PLIN2: variants seen among roughly 807,000 people sequenced by gnomAD.
PLIN2 encodes perilipin-2.
PLIN2 carries 33 observed loss-of-function variants against 30.6 expected under a neutral mutation model. That is an observed-to-expected ratio of 1.08 (90% CI 0.82 to 1.44). The LOEUF is 1.44. PLIN2 is among the 40% of genes most tolerant of loss of function. The pLI is 0.00. For synonymous variants in PLIN2, 205 were observed against 201.1 expected, an observed-to-expected ratio of 1.02 and a Z score of -0.16; for missense variants, 610 against 531.8, an observed-to-expected ratio of 1.15 and a Z score of -1.45.
At chr9:19,113,773 G>GTTTT (rs753031655), downstream of PLIN2, among the ~76,000 whole-genome samples, 14 of 143,692 alleles carry the variant, frequency 9.7e-5, no homozygotes, top group Non-Finnish European at 1.5e-4. Flanking sequence ...TGTTATTTTT[G>GTTTT]GTTTTTTTTT....
At chr9:19,121,716 G>C (rs1249276839) in intron 4 of PLIN2, among the ~76,000 whole-genome samples, 5 of 152,140 alleles carry the variant, frequency 3.3e-5, no homozygotes, top group African/African-American at 7.2e-5. Context: ...TGGATCACCT[G>C]AGGTTAGGAG....
downstream of PLIN2, among the ~76,000 whole-genome samples, chr9:19,113,434 C>G (rs1394545053): frequency 6.6e-6 from 1 of 152,068 alleles, no homozygotes; most frequent in Non-Finnish European, 1.5e-5. Context: ...CCATAAATCA[C>G]AAAAGTCCAT....
chr9:19,108,624 C>G (rs1033402618), exon 3 of PLIN2: 1 of 152,658 alleles, frequency 6.6e-6, no homozygotes, highest in African/African-American at 2.4e-5. Flanking sequence ...TATTCAACAT[C>G]TTGCCCTGAG....
In PLIN2 at chr9:19,126,448, T is replaced by C; in HGVS notation, c.-22A>G. On this transcript the variant is annotated splice_region_variant and 5_prime_UTR_variant, in exon 2 of 8. Transcript: ENST00000276914. ...CCATTTTTCTTCCTGGAGAAAGAAATCTGCAGAAAAGAGACTTATTTCAGA... is the reference window on the plus strand; with the variant it reads ...CCATTTTTCTTCCTGGAGAAAGAAACCTGCAGAAAAGAGACTTATTTCAGA... 2 of 1,596,600 alleles carry C rather than the reference T, an allele frequency of 1.3e-6. No homozygotes were observed. Among genetic ancestry groups the C allele is most frequent in the African/African-American group, 1.3e-5 (1 of 74,642 alleles).
rs1043668296 is a variant in PLIN2, at chr9:19,126,189, C to T, written c.151G>A (p.Glu51Lys). The stretch of plus-strand genomic sequence containing the variant: ...GAGGTGATGGTCTTCACACCGTTCT[C>T]TGCCATCTCACACACAGACTTCAGG... ...PYLKSVCEMA[E>K]NGVKTITSVA... Residue 51 changes from glutamate (E) to lysine (K), a missense_variant, in exon 3 of 8, where the codon GAG (glutamate) becomes AAG (lysine). Physicochemically the swap from Glu to Lys is moderately conservative, Grantham distance 56 (BLOSUM62 1). Transcript: ENST00000276914. 30 of 1,614,086 alleles carry T rather than the reference C, an allele frequency of 1.9e-5. No individual in the cohort carries two copies. The African/African-American group carries it at 3.3e-4, about 18-fold the overall frequency.
chr9:19,117,694 G>A (rs554901445), intron 7 of PLIN2, among the ~76,000 whole-genome samples: 1 of 151,120 alleles, frequency 6.6e-6, no homozygotes, highest in East Asian at 1.9e-4. Flanking sequence ...CTCGGCTCAT[G>A]GCAACCTCTG....
At chr9:19,126,875 CT>C (rs1818409665) in intron 1 of PLIN2, among the ~76,000 whole-genome samples, 1 of 152,084 alleles carries the variant, frequency 6.6e-6, no homozygotes, top group Non-Finnish European at 1.5e-5. Flanking sequence ...AACCCCGTCT[CT>C]TCTAAAAATA....
chr9:19,118,551 T>TCC, intron 6 of PLIN2, 96 bp from the exon 7 acceptor site: 1 of 1,128,028 alleles, frequency 8.9e-7, no homozygotes, highest in Non-Finnish European at 1.3e-6. Flanking sequence ...ACATAAAAAC[T>TCC]AAGAATTTCC....
chr9:19,126,092 A>T, intron 3 of PLIN2, 22 bp downstream of exon 3: 2 of 1,608,022 alleles, frequency 1.2e-6, no homozygotes, highest in South Asian at 1.1e-5. Flanking sequence ...CTTGACTTGC[A>T]TCTTGAAAAA....
In PLIN2 at chr9:19,115,926, C is replaced by T. The variant is rs1176069377; in HGVS notation, c.*322G>A. On this transcript the variant is annotated 3_prime_UTR_variant, in exon 8 of 8. Coordinates refer to ENST00000276914, the MANE Select transcript of PLIN2 (RefSeq NM_001122.4). ...AGACACCAGTTTCTACCCCAGCCCA[C>T]ATGAAGATGTTTTTATTCAATACAA... is the stretch of plus-strand genomic sequence containing the variant. 1.0e-5 allele frequency: 2 copies of T among 198,218 alleles called. No homozygotes were observed. The highest frequency in any genetic ancestry group is 4.7e-5 in the African/African-American group (2 of 42,906). The allele number at this position is 198,218 out of a possible 1,614,324, so 12.3% of individuals were successfully genotyped here.
rs1442511626 is a variant in PLIN2, at chr9:19,116,241, G to A, written c.*7C>T. 2 of 1,566,880 alleles carry A rather than the reference G, an allele frequency of 1.3e-6. No homozygotes were observed. The highest frequency in any genetic ancestry group is 1.8e-5 in the Admixed American group (1 of 54,970). On this transcript the variant is annotated 3_prime_UTR_variant, in exon 8 of 8. Transcript: ENST00000276914. ...GGCCACAGCATGCACTAGTGATAGG[G>A]GCAGGTTTAATGAGTTTTATGCTCA...
At chr9:19,112,705 C>CAAAAA (rs34857189), downstream of PLIN2, among the ~76,000 whole-genome samples, 3 of 68,594 alleles carry the variant, frequency 4.4e-5, 1 homozygote, top group Non-Finnish European at 5.9e-5. Context: ...GAGCCCATCT[C>CAAAAA]AAAAAAAAAA....
At chr9:19,123,452 C>G in intron 4 of PLIN2, 113 bp downstream of exon 4, 1 of 1,569,686 alleles carries the variant, frequency 6.4e-7, no homozygotes, top group Middle Eastern at 1.7e-4. Flanking sequence ...ACATCCAGAT[C>G]CAGGTTGGGA....
chr9:19,110,202 T>A (rs1184414042), intron 2 of PLIN2, among the ~76,000 whole-genome samples: 2 of 151,694 alleles, frequency 1.3e-5, no homozygotes, highest in Admixed American at 1.3e-4. Flanking sequence ...AATTTTTGTA[T>A]TTTTTAGTAG....
At chr9:19,110,148 C>T (rs1223480551) in intron 2 of PLIN2, among the ~76,000 whole-genome samples, 2 of 151,872 alleles carry the variant, frequency 1.3e-5, no homozygotes, top group African/African-American at 2.4e-5. Context: ...CTCAGTTTCC[C>T]GAGTAACTGG....
chr9:19,117,784 AT>A (rs1302153963), intron 7 of PLIN2, among the ~76,000 whole-genome samples: 3 of 151,798 alleles, frequency 2.0e-5, no homozygotes, highest in African/African-American at 7.2e-5. Flanking sequence ...TGCCTGGCTC[AT>A]TTTTTGTATT....
At chr9:19,114,632 G>A (rs1818196848), downstream of PLIN2, among the ~76,000 whole-genome samples, 1 of 152,016 alleles carries the variant, frequency 6.6e-6, no homozygotes, top group Non-Finnish European at 1.5e-5. Flanking sequence ...TCGAATCCCT[G>A]ACCTCAGGTG....
chr9:19,126,551 G>T, intron 1 of PLIN2, 103 bp from the exon 2 acceptor site: 1 of 763,972 alleles, frequency 1.3e-6, no homozygotes, highest in South Asian at 1.6e-5. Flanking sequence ...AATGCAGGGT[G>T]AGCTCCCTGT....
chr9:19,116,309 TG>T lies in PLIN2; in HGVS notation c.1252del (p.Gln418LysfsTer54), dbSNP rs1818220833. 6.2e-7 allele frequency: 1 copy of T among 1,613,646 alleles called. No individual in the cohort carries two copies. The highest frequency in any genetic ancestry group is 1.3e-5 in the African/African-American group (1 of 74,920). On this transcript the variant is annotated frameshift_variant, in exon 8 of 8. Transcript: ENST00000276914. LOFTEE classifies it low-confidence loss of function (END_TRUNC). ...QLTESQNAQD[Q>X]GAEMDKSSQE... is the part of the protein sequence containing the mutation. ...GCTGCTCTTGTCCATCTCTGCACCT[TG>T]GTCCTGAGCATTCTGAGACTCAGTC...
Sources: allele counts gnomAD v4.1 joint callset (sites outside exome capture counted in the v4.1 genomes callset), GRCh38; gene constraint gnomAD v4.1.1; transcripts MANE v1.5; gene names NCBI Gene and HGNC (gene_info 2026-07-23, HGNC 2026-07-21).